The following CDYL2 variants were observed in gnomAD, a reference collection of about 807,000 sequenced individuals.
CDYL2 encodes the protein chromodomain Y like 2.
A neutral mutation model predicts 49.4 loss-of-function variants in CDYL2; 23 were observed. That is an observed-to-expected ratio of 0.47 (90% CI 0.34 to 0.66). CDYL2 has a LOEUF of 0.66. CDYL2 is among the 30% of genes least tolerant of loss of function. The pLI is 0.01. For missense variants in CDYL2, 678 were observed against 656.4 expected (o/e 1.03, Z -0.36); for synonymous variants, 360 against 268.8 (o/e 1.34, Z -3.32).
intron 2 of CDYL2, among the ~76,000 whole-genome samples, chr16:80,678,705 G>A (rs1253187604): frequency 3.3e-5 from 5 of 149,992 alleles, no homozygotes; most frequent in South Asian, 4.3e-4. Flanking sequence ...TCAGTGTGGC[G>A]ATTCCTCAGG....
At chr16:80,630,677 T>C (rs1190680727) in intron 3 of CDYL2, among the ~76,000 whole-genome samples, 1 of 152,002 alleles carries the variant, frequency 6.6e-6, no homozygotes, top group African/African-American at 2.4e-5. Flanking sequence ...AACACCATGC[T>C]CAGAGAAGGG....
rs961328011 is a variant in CDYL2, at chr16:80,618,658, C to T, written c.1007+2105G>A. Among the ~76,000 whole-genome samples, 11 of 152,236 alleles carry T rather than the reference C, an allele frequency of 7.2e-5. No homozygotes were observed. In the South Asian group the frequency reaches 8.3e-4, roughly 11 times the overall value. On this transcript the variant is annotated intron_variant, in intron 4 of 6. Transcript: ENST00000570137. ...CTTATTCCTGCATGCAAGAAGGATCCCCACGCCCTCCCCAGGCTGGGACAA... is the reference window on the plus strand; with the variant it reads ...CTTATTCCTGCATGCAAGAAGGATCTCCACGCCCTCCCCAGGCTGGGACAA...
chr16:80,749,187 G>A (rs1007555380), intron 1 of CDYL2, among the ~76,000 whole-genome samples: 3 of 151,930 alleles, frequency 2.0e-5, no homozygotes, highest in Non-Finnish European at 2.9e-5. Flanking sequence ...ATTTTCCTCT[G>A]GTATTCTTAT....
chr16:80,624,729 A>G (rs1041505484), intron 3 of CDYL2, among the ~76,000 whole-genome samples: 4 of 152,232 alleles, frequency 2.6e-5, no homozygotes, highest in Non-Finnish European at 5.9e-5. Context: ...GACATGAACA[A>G]TAAGGAAAGA....
chr16:80,608,765 G>C (rs1195441575), intron 5 of CDYL2, among the ~76,000 whole-genome samples: 1 of 152,064 alleles, frequency 6.6e-6, no homozygotes, highest in Non-Finnish European at 1.5e-5. Flanking sequence ...TGGAGAGGTG[G>C]GGCTACAAGG....
At chr16:80,661,922 C>G (rs1909061342) in intron 2 of CDYL2, among the ~76,000 whole-genome samples, 1 of 152,160 alleles carries the variant, frequency 6.6e-6, no homozygotes, top group Non-Finnish European at 1.5e-5. Flanking sequence ...ATGCTTAACC[C>G]AGTGTTCATC....
intron 2 of CDYL2, among the ~76,000 whole-genome samples, chr16:80,642,644 G>C (rs374212343): frequency 1.2e-4 from 19 of 152,212 alleles, no homozygotes; most frequent in African/African-American, 4.6e-4. Flanking sequence ...TGGCTGGGGA[G>C]GCCTCAGAAT....
At chr16:80,648,296 A>G (rs1424829904) in intron 2 of CDYL2, among the ~76,000 whole-genome samples, 1 of 152,156 alleles carries the variant, frequency 6.6e-6, no homozygotes, top group Non-Finnish European at 1.5e-5. Flanking sequence ...ACCCAAATTA[A>G]TAACAGAGAT....
intron 2 of CDYL2, among the ~76,000 whole-genome samples, chr16:80,673,341 T>A (rs747321694): frequency 1.3e-5 from 2 of 151,896 alleles, no homozygotes; most frequent in Non-Finnish European, 2.9e-5. Context: ...AATAAATAAT[T>A]TTAAAAAAAT....
chr16:80,622,101 C>A (rs1438896522), intron 3 of CDYL2, among the ~76,000 whole-genome samples: 2 of 152,216 alleles, frequency 1.3e-5, no homozygotes, highest in Non-Finnish European at 2.9e-5. Flanking sequence ...CTGGCTCACA[C>A]AATGCCTAGT....
chr16:80,754,544 A>G (rs1327972674), intron 1 of CDYL2, among the ~76,000 whole-genome samples: 3 of 152,206 alleles, frequency 2.0e-5, no homozygotes, highest in Non-Finnish European at 4.4e-5. Context: ...CGTGGTCAAG[A>G]GTAATACTGT....
At chr16:80,789,169 T>C (rs111708483) in intron 1 of CDYL2, among the ~76,000 whole-genome samples, 5,619 of 152,286 alleles carry the variant, frequency 0.037, 133 homozygotes, top group Admixed American at 0.077. Context: ...CATACACTAT[T>C]GCTGGGAATG....
chr16:80,711,281 A>G (rs1272236231), intron 1 of CDYL2, among the ~76,000 whole-genome samples: 2 of 152,182 alleles, frequency 1.3e-5, no homozygotes, highest in Non-Finnish European at 2.9e-5. Flanking sequence ...CAACCGCCCA[A>G]TAGATTCTGT....
chr16:80,708,683 T>C (rs1385323379), intron 1 of CDYL2, among the ~76,000 whole-genome samples: 2 of 152,104 alleles, frequency 1.3e-5, no homozygotes, highest in Non-Finnish European at 2.9e-5. Context: ...CAAGAGGCAA[T>C]CAATAAATAT....
At chr16:80,660,423 A>G (rs915834744) in intron 2 of CDYL2, among the ~76,000 whole-genome samples, 1 of 152,034 alleles carries the variant, frequency 6.6e-6, no homozygotes. Flanking sequence ...TTAGAAAAAG[A>G]TCATACTTTA....
chr16:80,718,590 G>A (rs1904890145), intron 1 of CDYL2, among the ~76,000 whole-genome samples: 2 of 152,202 alleles, frequency 1.3e-5, no homozygotes, highest in South Asian at 4.1e-4. Flanking sequence ...CTGGATGGCA[G>A]CCAGGCTCAG....
intron 2 of CDYL2, among the ~76,000 whole-genome samples, chr16:80,681,594 T>A (rs1056150293): frequency 6.6e-6 from 1 of 152,204 alleles, no homozygotes; most frequent in Non-Finnish European, 1.5e-5. Context: ...CTTTTCCTCT[T>A]CCCAGTTCCC....
intron 2 of CDYL2, among the ~76,000 whole-genome samples, chr16:80,681,444 AAC>A (rs1251728203): frequency 6.6e-6 from 1 of 152,154 alleles, no homozygotes; most frequent in African/African-American, 2.4e-5. Context: ...CACACATGGA[AAC>A]ACGTTTTGCT....
intron 1 of CDYL2, among the ~76,000 whole-genome samples, chr16:80,800,479 G>A (rs1273043189): frequency 1.3e-5 from 2 of 152,080 alleles, no homozygotes; most frequent in African/African-American, 2.4e-5. Flanking sequence ...TTAGTGGTGC[G>A]TGATTTTGCA....
Sources: allele counts gnomAD v4.1 joint callset (sites outside exome capture counted in the v4.1 genomes callset), GRCh38; gene constraint gnomAD v4.1.1; transcripts MANE v1.5; gene names NCBI Gene and HGNC (gene_info 2026-07-23, HGNC 2026-07-21).